The following MOK variants were observed in gnomAD, a reference collection of about 807,000 sequenced individuals.
MOK encodes MOK protein kinase.
MOK carries 59 observed loss-of-function variants against 54.2 expected under a neutral mutation model. That is an observed-to-expected ratio of 1.09 (90% CI 0.88 to 1.35). The LOEUF (loss-of-function observed/expected upper bound fraction) is 1.35. Ranked by LOEUF, MOK falls within the 40% of genes most tolerant of loss-of-function variation. The pLI is 0.00. For missense variants in MOK, 517 were observed against 526.2 expected (o/e 0.98, Z 0.17); for synonymous variants, 210 against 202.7 (o/e 1.04, Z -0.31).
chr14:102,300,159 A>G (rs2072000591), intron 1 of MOK, among the ~76,000 whole-genome samples: 1 of 152,048 alleles, frequency 6.6e-6, no homozygotes, highest in African/African-American at 2.4e-5. Context: ...CCCGATCTCT[A>G]CTAAAAATAC....
the MOK span, chr14:102,215,041 G>C: frequency 6.2e-6 from 6 of 965,246 alleles, no homozygotes; most frequent in South Asian, 2.4e-4. Flanking sequence ...TCACATCTAA[G>C]CTTTAAAAAT....
At chr14:102,255,272 C>T (rs1018742671) in intron 4 of MOK, among the ~76,000 whole-genome samples, 3 of 152,090 alleles carry the variant, frequency 2.0e-5, no homozygotes, top group Admixed American at 6.5e-5. Flanking sequence ...GAGCTGAGAT[C>T]GTGCCACTGT....
chr14:102,287,959 C>A lies in MOK; in HGVS notation c.8-4367G>T, dbSNP rs992013521. Among the ~76,000 whole-genome samples the A allele has an allele frequency of 4.6e-4, 70 of 151,674 alleles. 1 individual carries two copies. In the Middle Eastern group the frequency reaches 0.01, roughly 22 times the overall value. On this transcript the variant is annotated intron_variant, in intron 1 of 11. Coordinates refer to ENST00000361847, the MANE Select transcript of MOK (RefSeq NM_014226.3). ...ACGCCATTCTCCTGCCTCAGCCTCCCGAGTAGCTGGGATTACAGGCGCCCG... is the reference window on the plus strand; with the variant it reads ...ACGCCATTCTCCTGCCTCAGCCTCCAGAGTAGCTGGGATTACAGGCGCCCG...
intron 2 of MOK, among the ~76,000 whole-genome samples, chr14:102,279,136 G>A (rs961514276): frequency 2.0e-5 from 3 of 152,136 alleles, no homozygotes; most frequent in African/African-American, 4.8e-5. Flanking sequence ...ACTGAACCCC[G>A]GGTTTAGCAG....
intron 2 of MOK, chr14:102,283,196 A>G (rs1243513657): frequency 3.8e-6 from 1 of 266,302 alleles, no homozygotes; most frequent in African/African-American, 2.2e-5. Context: ...GAAATCCAAC[A>G]CATTTATAAC....
the MOK span, among the ~76,000 whole-genome samples, chr14:102,216,126 A>G: frequency 6.6e-6 from 1 of 152,150 alleles, no homozygotes; most frequent in South Asian, 2.1e-4. Context: ...GAAGCTTCCC[A>G]CGGTGCTGTC....
chr14:102,264,273 T>G (rs2067720559), intron 3 of MOK: 1 of 150,130 alleles, frequency 6.7e-6, no homozygotes, highest in Non-Finnish European at 1.5e-5. Context: ...TGACTGCAAA[T>G]TTAATTTTAA....
intron 2 of MOK, chr14:102,280,590 T>C (rs1449828022): frequency 1.3e-5 from 2 of 152,256 alleles, no homozygotes; most frequent in Non-Finnish European, 2.9e-5. Flanking sequence ...ATACAACGAA[T>C]GATTCTGCAT....
chr14:102,220,813 C>G (rs969669303), downstream of MOK, among the ~76,000 whole-genome samples: 7 of 152,160 alleles, frequency 4.6e-5, no homozygotes, highest in Non-Finnish European at 7.3e-5. The surrounding 1 kb of genome is among the most constrained non-coding windows in gnomAD (Gnocchi z 4.2). Flanking sequence ...TGCTCTATCC[C>G]CCAGGCTGGA....
At position 102,236,676 on chromosome 14, in the gene MOK, G is replaced by A. The variant is rs1214955661; in HGVS notation, c.591-2887C>T. The stretch of plus-strand genomic sequence containing the variant: ...ACCTCTTTTGTAAACCCAACAGGGT[G>A]GGACACCACCACCCCTTCCCTAGCT... On this transcript the variant is annotated intron_variant, in intron 7 of 11. Transcript: ENST00000361847. The surrounding 1 kb of genome is among the most constrained non-coding windows in gnomAD (Gnocchi z 4.5). Among the ~76,000 whole-genome samples, 4 of 138,588 alleles carry A rather than the reference G, an allele frequency of 2.9e-5. No individual in the cohort carries two copies. The highest frequency in any genetic ancestry group is 1.2e-4 in the African/African-American group (4 of 33,180). 90.9% of individuals were successfully genotyped at this position (138,588 alleles called of 152,430 possible). A position where few individuals can be genotyped will look rare whatever the true frequency, so the allele number is the denominator to read the frequency against.
intron 7 of MOK, among the ~76,000 whole-genome samples, chr14:102,237,722 A>C (rs961464396): frequency 6.6e-6 from 1 of 152,234 alleles, no homozygotes; most frequent in African/African-American, 2.4e-5. Context: ...GTCTTAGGGC[A>C]ACAGAAAGGA....
In MOK at chr14:102,245,034, C is replaced by T. The variant is rs142235742; in HGVS notation, c.590+5778G>A. On this transcript the variant is annotated intron_variant, in intron 7 of 11. Coordinates refer to ENST00000361847, the MANE Select transcript of MOK (RefSeq NM_014226.3). The surrounding 1 kb of genome is among the most constrained non-coding windows in gnomAD (Gnocchi z 4.3). ...TTACGCTGAACCCCCTTGGGCACTC[C>T]CTAATTGGAAGTCCTGGGTCCTCCC... Among the ~76,000 whole-genome samples, 705 of 152,264 alleles carry T rather than the reference C, an allele frequency of 4.6e-3. 6 individuals are homozygous for T. The highest frequency in any genetic ancestry group is 0.016 in the African/African-American group (654 of 41,544).
chr14:102,291,125 G>A (rs1192955908), intron 1 of MOK, among the ~76,000 whole-genome samples: 3 of 152,114 alleles, frequency 2.0e-5, no homozygotes, highest in Non-Finnish European at 4.4e-5. Context: ...AGTGAGCCCC[G>A]CTGAGGCTTC....
intron 7 of MOK, among the ~76,000 whole-genome samples, chr14:102,247,897 CT>C (rs2153106281): frequency 6.6e-6 from 1 of 152,354 alleles, no homozygotes; most frequent in East Asian, 1.9e-4. Context: ...GCTAATGCCC[CT>C]CTTAGGCCCA....
At chr14:102,220,352 C>A (rs1213578278), downstream of MOK, among the ~76,000 whole-genome samples, 1 of 152,252 alleles carries the variant, frequency 6.6e-6, no homozygotes, top group Non-Finnish European at 1.5e-5. This position sits in a 1 kb window ranked among gnomAD's most constrained non-coding sequence, Gnocchi z 4.2. Context: ...CCACACAGCA[C>A]ACCTCAAAGG....
At chr14:102,298,444 AAC>A (rs1234414845) in intron 1 of MOK, among the ~76,000 whole-genome samples, 1 of 151,956 alleles carries the variant, frequency 6.6e-6, no homozygotes, top group African/African-American at 2.4e-5. Context: ...AAAGTTTGTA[AAC>A]ACACCAATCA....
In MOK at chr14:102,296,267, C is replaced by A. The variant is rs1181167612; in HGVS notation, c.7+8695G>T. On this transcript the variant is annotated intron_variant, in intron 1 of 11. Transcript: ENST00000361847. ...TCTCAAAAAAAAAAAAAAAAAATAG[C>A]AAGATCTATTACAAAAAAAAAACTA... is the stretch of plus-strand genomic sequence containing the variant. 2.7e-5 allele frequency among the ~76,000 whole-genome samples: 4 copies of A among 147,426 alleles called. No individual in the cohort carries two copies. In the East Asian group the frequency reaches 5.9e-4, roughly 22 times the overall value.
In MOK at chr14:102,238,918, G is replaced by A. The variant is rs1032195970; in HGVS notation, c.591-5129C>T. On this transcript the variant is annotated intron_variant, in intron 7 of 11. Coordinates refer to ENST00000361847, the MANE Select transcript of MOK (RefSeq NM_014226.3). The surrounding 1 kb of genome is among the most constrained non-coding windows in gnomAD (Gnocchi z 4.8). ...ACCAGCTAAGAGGAACACTCCCAGG[G>A]GAAGACTGGCAAATAGACTTCACCC... 9.2e-5 allele frequency among the ~76,000 whole-genome samples: 14 copies of A among 152,026 alleles called. No homozygotes were observed. The highest frequency in any genetic ancestry group is 2.1e-4 in the Non-Finnish European group (14 of 68,008).
At chr14:102,246,959 G>A (rs1013032144) in intron 7 of MOK, among the ~76,000 whole-genome samples, 2 of 152,056 alleles carry the variant, frequency 1.3e-5, no homozygotes, top group South Asian at 2.1e-4. Flanking sequence ...GACAGGCTTC[G>A]TTTATCTAGC....
Sources: allele counts gnomAD v4.1 joint callset (sites outside exome capture counted in the v4.1 genomes callset), GRCh38; gene constraint gnomAD v4.1.1; non-coding constraint Gnocchi (gnomAD v3.1); transcripts MANE v1.5; gene names NCBI Gene and HGNC (gene_info 2026-07-23, HGNC 2026-07-21).